Variants in SDCCAG8 observed in about 807,000 individuals in gnomAD.
The protein encoded by SDCCAG8 is serologically defined colon cancer antigen 8.
A neutral mutation model predicts 101.8 loss-of-function variants in SDCCAG8; 74 were observed. The ratio of observed to expected loss-of-function variants is 0.73; its 90% CI spans 0.60 to 0.88. The LOEUF (loss-of-function observed/expected upper bound fraction) is 0.88, where lower values mean the gene tolerates loss of function less well. Among genes scored for constraint, SDCCAG8 ranks in the 40% least tolerant of loss-of-function variants. The pLI, the probability that SDCCAG8 is intolerant of heterozygous loss-of-function variation, is 0.00. For missense variants in SDCCAG8, 787 were observed against 822.6 expected (o/e 0.96, Z 0.53); for synonymous variants, 281 against 292.9 (o/e 0.96, Z 0.41).
intron 16 of SDCCAG8, among the ~76,000 whole-genome samples, chr1:243,453,409 G>A (rs925375912): frequency 6.6e-6 from 1 of 152,116 alleles, no homozygotes; most frequent in African/African-American, 2.4e-5. Context: ...ACTTTCCCTG[G>A]GCTTCATTTA....
At chr1:243,461,501 T>C (rs950219910) in intron 16 of SDCCAG8, among the ~76,000 whole-genome samples, 2 of 152,190 alleles carry the variant, frequency 1.3e-5, no homozygotes, top group Non-Finnish European at 2.9e-5. Flanking sequence ...TAACTGTATC[T>C]GTGGCATGAC....
intron 16 of SDCCAG8, among the ~76,000 whole-genome samples, chr1:243,480,713 ATGGATGGG>A (rs1430609354): frequency 1.6e-4 from 12 of 76,726 alleles, no homozygotes; most frequent in African/African-American, 6.2e-4. Context: ...GGATGGATGG[ATGGATGGG>A]TGGGATGGAT....
chr1:243,279,556 G>A (rs377170583), intron 4 of SDCCAG8, among the ~76,000 whole-genome samples: 17 of 152,146 alleles, frequency 1.1e-4, no homozygotes, highest in African/African-American at 2.9e-4. Context: ...GCATAATAAC[G>A]TCAAAAAAAT....
At chr1:243,317,428 C>G (rs1193261092) in intron 9 of SDCCAG8, among the ~76,000 whole-genome samples, 1 of 149,562 alleles carries the variant, frequency 6.7e-6, no homozygotes, top group Non-Finnish European at 1.5e-5. Context: ...TCAAGTGATT[C>G]TCCTGCCTCA....
At chr1:243,478,250 A>G (rs1662805990) in intron 16 of SDCCAG8, among the ~76,000 whole-genome samples, 1 of 152,234 alleles carries the variant, frequency 6.6e-6, no homozygotes, top group Admixed American at 6.5e-5. Flanking sequence ...GATGCTGCAA[A>G]GCTCACTGGA....
chr1:243,469,118 C>T (rs1364722956), intron 16 of SDCCAG8, among the ~76,000 whole-genome samples: 1 of 152,172 alleles, frequency 6.6e-6, no homozygotes, highest in African/African-American at 2.4e-5. Flanking sequence ...CAGATTTATC[C>T]TTCTACAAAG....
intron 1 of SDCCAG8, 98 bp downstream of exon 1, chr1:243,256,338 C>G (rs962059373): frequency 3.3e-5 from 31 of 925,896 alleles, no homozygotes; most frequent in Non-Finnish European, 5.6e-5. Context: ...GGTTCTGCCC[C>G]GTCCACGCTA....
At chr1:243,484,828 G>A (rs1413689234) in intron 16 of SDCCAG8, among the ~76,000 whole-genome samples, 3 of 152,062 alleles carry the variant, frequency 2.0e-5, no homozygotes, top group Non-Finnish European at 2.9e-5. Flanking sequence ...GGCAGATCAC[G>A]AGGTCAGGAG....
At chr1:243,369,070 C>T (rs2077145105) in intron 12 of SDCCAG8, among the ~76,000 whole-genome samples, 1 of 152,012 alleles carries the variant, frequency 6.6e-6, no homozygotes, top group African/African-American at 2.4e-5. Context: ...ATAAATTCCT[C>T]ATAATTTAAT....
chr1:243,425,487 A>G (rs1026686873), intron 15 of SDCCAG8, among the ~76,000 whole-genome samples: 1 of 152,138 alleles, frequency 6.6e-6, no homozygotes, highest in African/African-American at 2.4e-5. Flanking sequence ...AGAAAAGGCT[A>G]TCTTGCCTAC....
chr1:243,291,110 G>A (rs887002800), intron 5 of SDCCAG8, among the ~76,000 whole-genome samples: 3 of 152,204 alleles, frequency 2.0e-5, no homozygotes, highest in African/African-American at 7.2e-5. Flanking sequence ...ATGCGACACT[G>A]CAGTATGGGT....
chr1:243,482,661 C>G (rs1183849534), intron 16 of SDCCAG8, among the ~76,000 whole-genome samples: 1 of 152,146 alleles, frequency 6.6e-6, no homozygotes, highest in Middle Eastern at 3.2e-3. Context: ...CTCATGGACC[C>G]GCGGACCCTA....
chr1:243,423,653 A>G (rs1351061764), intron 15 of SDCCAG8, among the ~76,000 whole-genome samples: 1 of 152,114 alleles, frequency 6.6e-6, no homozygotes, highest in East Asian at 1.9e-4. Flanking sequence ...AAGGGTGTTG[A>G]TGTGTTTTAC....
intron 13 of SDCCAG8, among the ~76,000 whole-genome samples, chr1:243,388,668 C>A (rs1195231661): frequency 2.0e-5 from 3 of 147,158 alleles, no homozygotes; most frequent in African/African-American, 7.6e-5. Flanking sequence ...CAAGACCAGT[C>A]TGAGCAACAT....
chr1:243,257,497 A>C (rs1572780743), intron 1 of SDCCAG8, among the ~76,000 whole-genome samples: 1 of 152,066 alleles, frequency 6.6e-6, no homozygotes, highest in Non-Finnish European at 1.5e-5. Flanking sequence ...ATTATAGATT[A>C]CTATGATAGA....
chr1:243,401,087 A>G (rs892036287), intron 13 of SDCCAG8, among the ~76,000 whole-genome samples: 2 of 152,188 alleles, frequency 1.3e-5, no homozygotes, highest in Non-Finnish European at 2.9e-5. Flanking sequence ...AGCAGTTTCT[A>G]CTGGTGAGGT....
intron 1 of SDCCAG8, chr1:243,267,769 A>G (rs2067746444): frequency 2.5e-6 from 2 of 806,262 alleles, no homozygotes; most frequent in Admixed American, 1.7e-5. Context: ...GAGCCACTCA[A>G]TACTTCTGCC....
chr1:243,405,518 A>G (rs887497172), intron 13 of SDCCAG8, among the ~76,000 whole-genome samples: 45 of 152,320 alleles, frequency 3.0e-4, no homozygotes, highest in Non-Finnish European at 1.8e-4. Flanking sequence ...GGCAATGAGC[A>G]ACGATCCATA....
intron 10 of SDCCAG8, among the ~76,000 whole-genome samples, chr1:243,340,043 T>C (rs2075293125): frequency 6.6e-6 from 1 of 152,224 alleles, no homozygotes; most frequent in Admixed American, 6.5e-5. Flanking sequence ...ATCTAAGATC[T>C]AGAAAGCATT....
Sources: gnomAD v4.1 joint callset for allele counts (sites outside exome capture counted in the v4.1 genomes callset) on GRCh38, gnomAD v4.1.1 for gene constraint, MANE v1.5 for transcripts, NCBI Gene and HGNC (gene_info 2026-07-23, HGNC 2026-07-21) for gene names.